The following NCKAP5 variants were observed in gnomAD, a reference collection of about 807,000 sequenced individuals.
NCKAP5 encodes the protein nck-associated protein 5.
A neutral mutation model predicts 167.0 loss-of-function variants in NCKAP5; 92 were observed. The observed-to-expected ratio is 0.55, with a 90% CI of 0.47 to 0.66. NCKAP5 has a LOEUF of 0.66. Ranked by LOEUF, NCKAP5 falls within the 30% of genes least tolerant of loss-of-function variation. The pLI is 0.00. For synonymous variants in NCKAP5, 891 were observed against 877.4 expected (o/e 1.02, Z -0.27); for missense variants, 2,378 against 2,315.0 (o/e 1.03, Z -0.56).
chr2:133,608,763 G>A, the NCKAP5 span, among the ~76,000 whole-genome samples: 2 of 152,102 alleles, frequency 1.3e-5, no homozygotes, highest in African/African-American at 2.4e-5. Context: ...CAGATTTACT[G>A]TCCTCAAACC....
At chr2:133,652,627 G>A in the NCKAP5 span, among the ~76,000 whole-genome samples, 1 of 152,214 alleles carries the variant, frequency 6.6e-6, no homozygotes, top group Non-Finnish European at 1.5e-5. Context: ...TAGCTGTCAA[G>A]CTGTTCTGCA....
intron 5 of NCKAP5, among the ~76,000 whole-genome samples, chr2:133,140,810 AT>A (rs934174955): frequency 6.7e-6 from 1 of 149,298 alleles, no homozygotes; most frequent in Non-Finnish European, 1.5e-5. Flanking sequence ...AATAAAATGA[AT>A]AACAAATTAT....
intron 3 of NCKAP5, among the ~76,000 whole-genome samples, chr2:133,424,554 A>AAT (rs1689674689): frequency 6.6e-6 from 1 of 152,224 alleles, no homozygotes; most frequent in Non-Finnish European, 1.5e-5. Flanking sequence ...TGATGTGAAA[A>AAT]ATAAAATGTT....
At chr2:132,737,885 A>C (rs902468805) in intron 16 of NCKAP5, among the ~76,000 whole-genome samples, 2 of 152,226 alleles carry the variant, frequency 1.3e-5, no homozygotes, top group Non-Finnish European at 2.9e-5. Flanking sequence ...CTCCTGCTCC[A>C]TGATTGCTCT....
At chr2:132,704,231 C>A (rs954623445) in intron 19 of NCKAP5, among the ~76,000 whole-genome samples, 1 of 152,118 alleles carries the variant, frequency 6.6e-6, no homozygotes, top group South Asian at 2.1e-4. Context: ...TATCACTGAG[C>A]CCAGAGGTGA....
intron 3 of NCKAP5, among the ~76,000 whole-genome samples, chr2:133,384,556 T>A (rs1030175142): frequency 6.6e-6 from 1 of 152,180 alleles, no homozygotes; most frequent in African/African-American, 2.4e-5. Flanking sequence ...TTTGGTTCCA[T>A]GTGAATTTTA....
chr2:133,303,014 A>G (rs1356763675), intron 4 of NCKAP5, 23 bp downstream of exon 4: 1 of 1,564,084 alleles, frequency 6.4e-7, no homozygotes, highest in Non-Finnish European at 8.7e-7. Context: ...GAGCAAGCAA[A>G]TAAGAACATG....
intron 8 of NCKAP5, among the ~76,000 whole-genome samples, chr2:132,917,879 C>G (rs1312745861): frequency 6.6e-6 from 1 of 152,098 alleles, no homozygotes; most frequent in African/African-American, 2.4e-5. Context: ...TCTGAGGATC[C>G]TCCTCCTCCT....
chr2:132,946,211 C>T (rs1453095343), intron 8 of NCKAP5, among the ~76,000 whole-genome samples: 1 of 152,146 alleles, frequency 6.6e-6, no homozygotes, highest in African/African-American at 2.4e-5. Context: ...TCCAAGTCTG[C>T]TGCAGCAAAA....
the NCKAP5 span, among the ~76,000 whole-genome samples, chr2:133,609,237 C>A: frequency 6.6e-6 from 1 of 152,136 alleles, no homozygotes; most frequent in Admixed American, 6.6e-5. Flanking sequence ...GTCCTTACCA[C>A]TGACTGGAAG....
At chr2:132,771,705 C>T (rs1203455249) in intron 16 of NCKAP5, among the ~76,000 whole-genome samples, 2 of 151,450 alleles carry the variant, frequency 1.3e-5, no homozygotes, top group East Asian at 3.9e-4. Context: ...CAGAGTCTCG[C>T]TCTGTCACCC....
At chr2:133,365,564 A>G (rs573806467) in intron 3 of NCKAP5, among the ~76,000 whole-genome samples, 1 of 152,234 alleles carries the variant, frequency 6.6e-6, no homozygotes, top group African/African-American at 2.4e-5. Context: ...CATAAAACAT[A>G]TTGATTCTAT....
chr2:133,093,526 C>T (rs533240241), intron 6 of NCKAP5, among the ~76,000 whole-genome samples: 6 of 152,316 alleles, frequency 3.9e-5, no homozygotes, highest in African/African-American at 1.4e-4. Context: ...AAACCCTTCT[C>T]TCTGCAAGGT....
chr2:133,187,071 T>C (rs1337316369), intron 5 of NCKAP5, among the ~76,000 whole-genome samples: 1 of 152,074 alleles, frequency 6.6e-6, no homozygotes. Context: ...TTTTTCTAAC[T>C]TCTTGATGAA....
chr2:133,665,116 A>G, the NCKAP5 span, among the ~76,000 whole-genome samples: 1 of 152,212 alleles, frequency 6.6e-6, no homozygotes, highest in East Asian at 1.9e-4. Flanking sequence ...CATAACAGCA[A>G]TGGAGCCTGT....
intron 19 of NCKAP5, among the ~76,000 whole-genome samples, chr2:132,712,722 C>T (rs1688987535): frequency 6.6e-6 from 1 of 152,144 alleles, no homozygotes; most frequent in Non-Finnish European, 1.5e-5. Context: ...TTCATTCACC[C>T]AGCATTTCAG....
Position 133,169,870 on chromosome 2 carries a change from A to G in NCKAP5, c.208-39759T>C, listed in dbSNP as rs369971945. Among the ~76,000 whole-genome samples, 321 of 152,298 alleles carry G rather than the reference A, an allele frequency of 2.1e-3. 2 individuals are homozygous for G. The highest frequency in any genetic ancestry group is 6.2e-3 in the Admixed American group (95 of 15,302). ...ATGTGGCTGCCAAGGTAAGGCATTA[A>G]AGGGGTTACGTAAGCATAAGGCATC... On this transcript the variant is annotated intron_variant, in intron 5 of 19. Coordinates refer to ENST00000409261, the MANE Select transcript of NCKAP5 (RefSeq NM_207363.3).
chr2:132,827,694 A>C (rs1229165588), intron 11 of NCKAP5, among the ~76,000 whole-genome samples: 2 of 152,120 alleles, frequency 1.3e-5, no homozygotes, highest in Admixed American at 6.6e-5. Flanking sequence ...ATGTGCTATA[A>C]AAAAATTACT....
intron 6 of NCKAP5, among the ~76,000 whole-genome samples, chr2:133,107,884 T>C (rs1045881034): frequency 1.3e-5 from 2 of 152,212 alleles, no homozygotes; most frequent in Admixed American, 1.3e-4. Flanking sequence ...TCCATCTCAC[T>C]GACCCTAGGC....
Sources: gnomAD v4.1 joint callset for allele counts (sites outside exome capture counted in the v4.1 genomes callset) on GRCh38, gnomAD v4.1.1 for gene constraint, MANE v1.5 for transcripts, NCBI Gene and HGNC (gene_info 2026-07-23, HGNC 2026-07-21) for gene names.